The following CNTLN variants were observed in gnomAD, a reference collection of about 807,000 sequenced individuals.
CNTLN encodes centlein, also known as centlein, centrosomal protein.
CNTLN carries 212 observed loss-of-function variants against 180.0 expected under a neutral mutation model. That is an observed-to-expected ratio of 1.18 (90% CI 1.05 to 1.32). The LOEUF (loss-of-function observed/expected upper bound fraction) is 1.32, where lower values mean the gene tolerates loss of function less well. Among genes scored for constraint, CNTLN ranks in the 40% most tolerant of loss-of-function variants. CNTLN has a pLI of 0.00. For synonymous variants in CNTLN, 722 were observed against 563.1 expected (o/e 1.28, Z -3.99); for missense variants, 2,095 against 1,610.9 (o/e 1.30, Z -5.14).
intron 6 of CNTLN, among the ~76,000 whole-genome samples, chr9:17,291,852 T>C (rs1362989299): frequency 6.6e-6 from 1 of 152,190 alleles, no homozygotes; most frequent in Non-Finnish European, 1.5e-5. Context: ...GTTATGATGG[T>C]AGCTGGTTAT....
chr9:17,369,947 A>G (rs1195821616), intron 13 of CNTLN, among the ~76,000 whole-genome samples: 15 of 151,572 alleles, frequency 9.9e-5, no homozygotes, highest in Admixed American at 9.9e-4. Flanking sequence ...AGATCACGCC[A>G]CTGCACTCCA....
chr9:17,358,277 A>G (rs1366727544), intron 12 of CNTLN, among the ~76,000 whole-genome samples: 2 of 152,110 alleles, frequency 1.3e-5, no homozygotes, highest in African/African-American at 4.8e-5. Flanking sequence ...TTGATACTCT[A>G]CTGCATTTAA....
At chr9:17,252,597 T>C (rs1587345269) in intron 5 of CNTLN, among the ~76,000 whole-genome samples, 1 of 151,738 alleles carries the variant, frequency 6.6e-6, no homozygotes, top group East Asian at 1.9e-4. Context: ...TTAAAAACTG[T>C]TGAGTTCTTT....
chr9:17,334,189 A>G (rs1820834681), intron 10 of CNTLN, among the ~76,000 whole-genome samples: 1 of 151,940 alleles, frequency 6.6e-6, no homozygotes, highest in Non-Finnish European at 1.5e-5. Flanking sequence ...CCCCCCGAGT[A>G]GCTGGGATTA....
chr9:17,183,501 A>G (rs76154398), intron 2 of CNTLN, among the ~76,000 whole-genome samples: 8,146 of 151,948 alleles, frequency 0.054, 247 homozygotes, highest in East Asian at 0.17. Context: ...TTTGTAAAAA[A>G]GGAGAAGAAT....
intron 18 of CNTLN, among the ~76,000 whole-genome samples, chr9:17,451,082 C>T (rs1830752084): frequency 6.6e-6 from 1 of 152,012 alleles, no homozygotes; most frequent in Non-Finnish European, 1.5e-5. Context: ...ACCTGGACAG[C>T]ATGCAGAATT....
chr9:17,373,715 C>G (rs116386757), intron 13 of CNTLN, among the ~76,000 whole-genome samples: 1 of 152,202 alleles, frequency 6.6e-6, no homozygotes, highest in African/African-American at 2.4e-5. Context: ...AATCACATTT[C>G]TTAAATTAAA....
chr9:17,210,768 C>G (rs1337238582), intron 2 of CNTLN, among the ~76,000 whole-genome samples: 3 of 152,130 alleles, frequency 2.0e-5, no homozygotes, highest in Admixed American at 2.0e-4. Flanking sequence ...GAGATGGTAT[C>G]TCATTGTGGT....
intron 2 of CNTLN, among the ~76,000 whole-genome samples, chr9:17,160,503 A>G (rs79562950): frequency 0.049 from 7,432 of 152,266 alleles, 227 homozygotes; most frequent in East Asian, 0.17. Context: ...CAGAAAATCA[A>G]TGCCCAAGTT....
At chr9:17,476,876 T>C (rs977311855) in intron 23 of CNTLN, among the ~76,000 whole-genome samples, 1 of 152,224 alleles carries the variant, frequency 6.6e-6, no homozygotes, top group Non-Finnish European at 1.5e-5. Context: ...ACATATTTTC[T>C]ATGTAGACAA....
intron 16 of CNTLN, among the ~76,000 whole-genome samples, chr9:17,413,175 T>A (rs12555830): frequency 0.29 from 43,676 of 151,178 alleles, 6,555 homozygotes; most frequent in South Asian, 0.38. Flanking sequence ...GATAATCCTT[T>A]CAAAAAATGG....
At chr9:17,350,594 G>T (rs1822282565) in intron 12 of CNTLN, among the ~76,000 whole-genome samples, 1 of 152,108 alleles carries the variant, frequency 6.6e-6, no homozygotes, top group Non-Finnish European at 1.5e-5. Context: ...GCCATAGGCT[G>T]GGTGGCTTAA....
At chr9:17,371,323 T>C (rs1824298676) in intron 13 of CNTLN, among the ~76,000 whole-genome samples, 1 of 152,162 alleles carries the variant, frequency 6.6e-6, no homozygotes, top group South Asian at 2.1e-4. Flanking sequence ...CAGGAGTAGC[T>C]ATACTTATAT....
chr9:17,396,467 T>A (rs1479516279), intron 15 of CNTLN, among the ~76,000 whole-genome samples: 1 of 152,198 alleles, frequency 6.6e-6, no homozygotes, highest in Non-Finnish European at 1.5e-5. Context: ...GCCATAATTT[T>A]AAAAATTCTG....
At chr9:17,171,140 A>C (rs1820394738) in intron 2 of CNTLN, among the ~76,000 whole-genome samples, 1 of 152,242 alleles carries the variant, frequency 6.6e-6, no homozygotes, top group African/African-American at 2.4e-5. Context: ...TTGACAATTC[A>C]AATATCTGCA....
rs139799386 is a variant in CNTLN at position 17,365,682 on chromosome 9, G to A, written c.1887-935G>A. Reference sequence around the variant, plus strand: ...GTGTTAGGATGTGGTTGAGCATGGCGGGTGTTGTGGCTCATGCCTGTGATC... The same window carrying A: ...GTGTTAGGATGTGGTTGAGCATGGCAGGTGTTGTGGCTCATGCCTGTGATC... On this transcript the variant is annotated intron_variant, in intron 12 of 25. Transcript: ENST00000380647. Among the ~76,000 whole-genome samples the A allele has an allele frequency of 4.3e-4, 65 of 152,286 alleles. No individual in the cohort carries two copies. In the East Asian group the frequency reaches 6.2e-3, roughly 14 times the overall value.
At chr9:17,232,473 T>G (rs1824873930) in intron 3 of CNTLN, among the ~76,000 whole-genome samples, 1 of 147,832 alleles carries the variant, frequency 6.8e-6, no homozygotes, top group African/African-American at 2.6e-5. Flanking sequence ...ATCATTTATA[T>G]TGTCAGTGCC....
At chr9:17,524,054 A>G in the CNTLN span, among the ~76,000 whole-genome samples, 2 of 152,232 alleles carry the variant, frequency 1.3e-5, no homozygotes, top group African/African-American at 2.4e-5. Context: ...AAAAGTGACT[A>G]TTTGTAAATT....
chr9:17,290,715 G>A (rs1330870248), intron 6 of CNTLN, among the ~76,000 whole-genome samples: 26 of 151,686 alleles, frequency 1.7e-4, no homozygotes, highest in African/African-American at 7.2e-5. Flanking sequence ...CTCATGGTTC[G>A]CCGCTTTTTA....
Sources: allele counts gnomAD v4.1 joint callset (sites outside exome capture counted in the v4.1 genomes callset), GRCh38; gene constraint gnomAD v4.1.1; transcripts MANE v1.5; gene names NCBI Gene and HGNC (gene_info 2026-07-23, HGNC 2026-07-21).